GAB1: variants seen among roughly 807,000 people sequenced by gnomAD.
The protein encoded by GAB1 is GRB2-associated-binding protein 1.
Under a neutral mutation model 66.5 loss-of-function variants are expected in GAB1, and 19 were observed. The ratio of observed to expected loss-of-function variants is 0.29; its 90% confidence interval spans 0.20 to 0.42. GAB1 has a LOEUF of 0.42. Ranked by LOEUF, GAB1 falls within the 10% of genes least tolerant of loss-of-function variation. The pLI is 1.00. For synonymous variants in GAB1, 294 were observed against 301.4 expected, an observed-to-expected ratio of 0.98 and a Z score of 0.25; for missense variants, 732 against 858.5, an observed-to-expected ratio of 0.85 and a Z score of 1.84.
At chr4:143,436,700 T>G (rs550165125) in intron 3 of GAB1, among the ~76,000 whole-genome samples, 4 of 152,318 alleles carry the variant, frequency 2.6e-5, no homozygotes, top group African/African-American at 9.6e-5. Flanking sequence ...TAAAGTCATT[T>G]CTTTCAATGC....
chr4:143,386,960 A>G (rs1730946175), intron 1 of GAB1, among the ~76,000 whole-genome samples: 1 of 152,300 alleles, frequency 6.6e-6, no homozygotes, highest in South Asian at 2.1e-4. Flanking sequence ...ACTGTAGACA[A>G]TGGGGAAATG....
chr4:143,458,500 T>G lies in GAB1; in HGVS notation c.1586-885T>G, dbSNP rs77218737. On this transcript the variant is annotated intron_variant, in intron 6 of 9. Transcript: ENST00000262994. Reference sequence around the variant, plus strand: ...GGCAGAATGAAACATAACTGAAATATTTACCTAACATGTTTAGGTAGTCTC... The same window carrying G: ...GGCAGAATGAAACATAACTGAAATAGTTACCTAACATGTTTAGGTAGTCTC... Among the ~76,000 whole-genome samples, 1,336 of 152,072 alleles carry G rather than the reference T, an allele frequency of 8.8e-3. 24 individuals carry two copies. The highest frequency in any genetic ancestry group is 0.03 in the African/African-American group (1,236 of 41,510).
At chr4:143,362,551 A>G (rs300920) in intron 1 of GAB1, among the ~76,000 whole-genome samples, 148,321 of 152,260 alleles carry the variant, frequency 0.97, 72,254 homozygotes, top group East Asian at 1. Context: ...CAGAACTGAC[A>G]GTTTCTCCCC....
intron 1 of GAB1, among the ~76,000 whole-genome samples, chr4:143,404,222 A>C (rs1322458668): frequency 1.3e-5 from 2 of 152,228 alleles, no homozygotes; most frequent in African/African-American, 2.4e-5. Context: ...GAATCAGTAC[A>C]TTTTTTGAAG....
intron 6 of GAB1, among the ~76,000 whole-genome samples, chr4:143,449,338 G>C (rs1417104373): frequency 6.6e-6 from 1 of 150,824 alleles, no homozygotes; most frequent in Non-Finnish European, 1.5e-5. Flanking sequence ...CAATTCCTGG[G>C]TATCCTTGTT....
chr4:143,373,044 A>ACACACAC (rs1560725364), intron 1 of GAB1, among the ~76,000 whole-genome samples: 5,332 of 148,148 alleles, frequency 0.036, 123 homozygotes, highest in African/African-American at 0.062. Flanking sequence ...TTCCTTTAAA[A>ACACACAC]ACACACACAC....
chr4:143,448,576 C>T (rs1407565231), intron 6 of GAB1, among the ~76,000 whole-genome samples: 5 of 151,470 alleles, frequency 3.3e-5, no homozygotes, highest in East Asian at 3.9e-4. Flanking sequence ...AGTTTATTTG[C>T]GTAGAGGTGT....
chr4:143,398,214 T>A (rs932926879), intron 1 of GAB1, among the ~76,000 whole-genome samples: 9 of 152,228 alleles, frequency 5.9e-5, no homozygotes, highest in African/African-American at 1.9e-4. Flanking sequence ...CTCACTGCTT[T>A]TAGAACCTGC....
In GAB1 at chr4:143,365,559, G is replaced by A. The variant is rs563499125; in HGVS notation, c.72+28299G>A. 1.5e-4 allele frequency among the ~76,000 whole-genome samples: 23 copies of A among 152,294 alleles called. No individual in the cohort carries two copies. In the South Asian group the frequency reaches 4.6e-3, roughly 30 times the overall value. On this transcript the variant is annotated intron_variant, in intron 1 of 9. Coordinates refer to ENST00000262994, the MANE Select transcript of GAB1 (RefSeq NM_002039.4). ...ATACCCCTCTTGACAACTTTACCCT[G>A]TTCTGATTTTTCACCTGTGTATCCC...
chr4:143,415,701 C>T lies in GAB1; in HGVS notation c.297C>T (p.Asp99=), dbSNP rs764891399. ...ACCGGATTTTCTACTTGGTAGCAGA[C>T]AGCGAGGAGGAGATGAATAAGTGGG... ...TIDRIFYLVA[D]SEEEMNKWVR... Residue 99 remains aspartate (D), a synonymous_variant, in exon 2 of 10, where the codon GAC becomes GAT. Transcript: ENST00000262994. 6.2e-7 allele frequency: 1 copy of T among 1,614,022 alleles called. No individual in the cohort carries two copies. The highest frequency in any genetic ancestry group is 8.5e-7 in the Non-Finnish European group (1 of 1,179,928).
intron 2 of GAB1, among the ~76,000 whole-genome samples, chr4:143,430,120 C>G (rs750340956): frequency 6.6e-6 from 1 of 152,194 alleles, no homozygotes; most frequent in African/African-American, 2.4e-5. Context: ...TCCAATGTCA[C>G]AATCTCCCAA....
At chr4:143,451,168 A>G (rs17017795) in intron 6 of GAB1, among the ~76,000 whole-genome samples, 2,418 of 152,234 alleles carry the variant, frequency 0.016, 58 homozygotes, top group African/African-American at 0.055. Flanking sequence ...TGGCACTATT[A>G]GGGAAGCTCC....
intron 1 of GAB1, chr4:143,377,027 T>A (rs2149672721): frequency 6.6e-6 from 1 of 152,124 alleles, no homozygotes; most frequent in African/African-American, 2.4e-5. Context: ...TCATAATACC[T>A]GCTCTTTGAG....
At chr4:143,345,978 C>T (rs181925070) in intron 1 of GAB1, among the ~76,000 whole-genome samples, 13 of 152,252 alleles carry the variant, frequency 8.5e-5, no homozygotes, top group Admixed American at 3.3e-4. Context: ...TCTCTTGCCT[C>T]GTTGTAGTTT....
chr4:143,448,092 T>A (rs1282830769), intron 6 of GAB1, among the ~76,000 whole-genome samples: 3 of 151,962 alleles, frequency 2.0e-5, no homozygotes, highest in Non-Finnish European at 4.4e-5. Context: ...TGGATTACAT[T>A]TATTGATTTG....
chr4:143,448,185 T>A (rs570709466), intron 6 of GAB1, among the ~76,000 whole-genome samples: 1 of 151,884 alleles, frequency 6.6e-6, no homozygotes, highest in African/African-American at 2.4e-5. Context: ...TGCTGAATTC[T>A]GTTTGCCAGT....
At chr4:143,466,064 G>A (rs1025033907) in intron 8 of GAB1, 39 bp from the exon 9 acceptor site, 2 of 1,609,270 alleles carry the variant, frequency 1.2e-6, no homozygotes, top group Non-Finnish European at 1.7e-6. Flanking sequence ...TATGTCTGGT[G>A]AATGTCTGAC....
At chr4:143,375,961 G>C (rs1160805826) in intron 1 of GAB1, among the ~76,000 whole-genome samples, 2 of 152,106 alleles carry the variant, frequency 1.3e-5, no homozygotes, top group Non-Finnish European at 2.9e-5. Context: ...ATTGAGAACC[G>C]CTGCTGCATA....
intron 6 of GAB1, among the ~76,000 whole-genome samples, chr4:143,442,575 G>T (rs1734300490): frequency 6.6e-6 from 1 of 152,020 alleles, no homozygotes; most frequent in Non-Finnish European, 1.5e-5. Context: ...TATCACTCAT[G>T]TATCCCACAT....
Sources: allele counts gnomAD v4.1 joint callset (sites outside exome capture counted in the v4.1 genomes callset), GRCh38; gene constraint gnomAD v4.1.1; transcripts MANE v1.5; gene names NCBI Gene and HGNC (gene_info 2026-07-23, HGNC 2026-07-21).